Variants in MAGI1 observed in about 807,000 individuals in gnomAD.
MAGI1 encodes membrane-associated guanylate kinase, WW and PDZ domain-containing protein 1.
Under a neutral mutation model 139.9 loss-of-function variants are expected in MAGI1, and 58 were observed. The observed-to-expected ratio is 0.41, with a 90% CI of 0.34 to 0.52. The LOEUF is 0.52. MAGI1 is among the 20% of genes least tolerant of loss of function. The pLI is 0.12. For missense variants in MAGI1, 1,874 were observed against 1,901.6 expected, an observed-to-expected ratio of 0.99 and a Z score of 0.27; for synonymous variants, 812 against 737.9, an observed-to-expected ratio of 1.10 and a Z score of -1.63.
At chr3:65,523,405 A>G (rs1038058980) in intron 2 of MAGI1, among the ~76,000 whole-genome samples, 1 of 151,822 alleles carries the variant, frequency 6.6e-6, no homozygotes, top group Non-Finnish European at 1.5e-5. Context: ...AGAAATTTTA[A>G]AAAGGAAGAG....
At chr3:65,979,088 T>TCCCCCCCCCCCCC (rs200894076) in intron 1 of MAGI1, among the ~76,000 whole-genome samples, 55 of 52,976 alleles carry the variant, frequency 1.0e-3, no homozygotes, top group African/African-American at 1.4e-3. Flanking sequence ...TTTCTTTTCT[T>TCCCCCCCCCCCCC]CCCCCCCCCC....
At chr3:65,614,831 A>G (rs2083289093) in intron 2 of MAGI1, among the ~76,000 whole-genome samples, 1 of 152,010 alleles carries the variant, frequency 6.6e-6, no homozygotes, top group Non-Finnish European at 1.5e-5. Context: ...CTGTAAGGAG[A>G]AGGACTGATA....
intron 1 of MAGI1, among the ~76,000 whole-genome samples, chr3:65,957,811 CA>C (rs1478566883): frequency 6.6e-6 from 1 of 152,004 alleles, no homozygotes; most frequent in Non-Finnish European, 1.5e-5. Flanking sequence ...TCTTGTTGCC[CA>C]AGCTGGAGTA....
chr3:65,450,448 G>A (rs1241779935), intron 6 of MAGI1, among the ~76,000 whole-genome samples: 1 of 152,106 alleles, frequency 6.6e-6, no homozygotes, highest in African/African-American at 2.4e-5. Context: ...TTAGAAATAG[G>A]TGTGAAGAAA....
chr3:65,466,951 T>C (rs1207659554), intron 5 of MAGI1, among the ~76,000 whole-genome samples: 1 of 152,216 alleles, frequency 6.6e-6, no homozygotes, highest in Non-Finnish European at 1.5e-5. Context: ...TTTTCTGTCT[T>C]GTAGGATGCC....
At chr3:65,638,302 T>A (rs73835616) in intron 1 of MAGI1, among the ~76,000 whole-genome samples, 4,904 of 152,234 alleles carry the variant, frequency 0.032, 286 homozygotes, top group African/African-American at 0.11. Flanking sequence ...GATTCAAATA[T>A]ACCTTTCATG....
At chr3:65,663,501 T>C (rs779414100) in intron 1 of MAGI1, among the ~76,000 whole-genome samples, 3 of 152,152 alleles carry the variant, frequency 2.0e-5, no homozygotes, top group Non-Finnish European at 4.4e-5. Flanking sequence ...AGGAGTCAAA[T>C]GTGGAATCCT....
At chr3:65,583,999 A>G (rs1232595585) in intron 2 of MAGI1, among the ~76,000 whole-genome samples, 1 of 151,802 alleles carries the variant, frequency 6.6e-6, no homozygotes, top group Non-Finnish European at 1.5e-5. Flanking sequence ...ATAGCAATAA[A>G]ATAATAATTA....
At chr3:65,919,653 T>C (rs2062076645) in intron 1 of MAGI1, among the ~76,000 whole-genome samples, 2 of 148,824 alleles carry the variant, frequency 1.3e-5, no homozygotes, top group African/African-American at 2.5e-5. Flanking sequence ...AACTTGGATA[T>C]ATTTTCATTC....
intron 2 of MAGI1, among the ~76,000 whole-genome samples, chr3:65,519,037 G>C (rs1001436187): frequency 2.0e-5 from 3 of 152,118 alleles, no homozygotes; most frequent in African/African-American, 7.2e-5. Context: ...GCCAGGCCTG[G>C]AAGTGTTCTA....
chr3:66,016,037 CA>C (rs1426321801), intron 1 of MAGI1, among the ~76,000 whole-genome samples: 1 of 149,710 alleles, frequency 6.7e-6, no homozygotes, highest in East Asian at 2.0e-4. Context: ...TATAAAATCT[CA>C]AAGGAGGTAG....
chr3:65,522,741 A>C (rs9817630), intron 2 of MAGI1, among the ~76,000 whole-genome samples: 2,455 of 152,260 alleles, frequency 0.016, 72 homozygotes, highest in African/African-American at 0.055. Flanking sequence ...CCCCAAAGTA[A>C]ATGCTTCAAA....
At chr3:65,904,440 C>A (rs995545481) in intron 1 of MAGI1, among the ~76,000 whole-genome samples, 1 of 152,192 alleles carries the variant, frequency 6.6e-6, no homozygotes, top group Admixed American at 6.5e-5. Context: ...ATGGCCACTG[C>A]CCTTAGAACA....
intron 12 of MAGI1, among the ~76,000 whole-genome samples, chr3:65,409,676 C>T (rs1009874538): frequency 4.6e-5 from 7 of 151,826 alleles, no homozygotes; most frequent in Admixed American, 2.0e-4. Flanking sequence ...ATCATAACCC[C>T]GTAGCATAAT....
chr3:65,957,559 A>C (rs1052396380), intron 1 of MAGI1, among the ~76,000 whole-genome samples: 4 of 151,678 alleles, frequency 2.6e-5, no homozygotes, highest in African/African-American at 7.3e-5. Context: ...AAAGGAATGA[A>C]CTACAGCTAC....
intron 1 of MAGI1, among the ~76,000 whole-genome samples, chr3:65,841,441 G>C (rs1575668843): frequency 8.8e-6 from 1 of 114,090 alleles, no homozygotes; most frequent in South Asian, 3.0e-4. Context: ...TTTTGTTTTT[G>C]TTTTTGTTTT....
At chr3:65,739,402 T>A (rs1467616864) in intron 1 of MAGI1, among the ~76,000 whole-genome samples, 1 of 152,190 alleles carries the variant, frequency 6.6e-6, no homozygotes, top group Non-Finnish European at 1.5e-5. Context: ...TTTCTCCACA[T>A]TAGCAATAAG....
chr3:65,465,929 T>C (rs969604470), intron 5 of MAGI1, among the ~76,000 whole-genome samples: 4 of 152,184 alleles, frequency 2.6e-5, no homozygotes, highest in African/African-American at 9.6e-5. Flanking sequence ...CTTCCCCCAG[T>C]TGATTTTCTC....
At chr3:65,689,947 C>T (rs1442328538) in intron 1 of MAGI1, among the ~76,000 whole-genome samples, 4 of 152,188 alleles carry the variant, frequency 2.6e-5, no homozygotes, top group Non-Finnish European at 5.9e-5. Context: ...CGCACCACCT[C>T]TATTTTCTTC....
Sources: gnomAD v4.1 joint callset for allele counts (sites outside exome capture counted in the v4.1 genomes callset) on GRCh38, gnomAD v4.1.1 for gene constraint, MANE v1.5 for transcripts, NCBI Gene and HGNC (gene_info 2026-07-23, HGNC 2026-07-21) for gene names.